CCSER1: variants seen among roughly 807,000 people sequenced by gnomAD.
The protein encoded by CCSER1 is coiled-coil serine rich protein 1, also known as serine-rich coiled-coil domain-containing protein 1.
CCSER1 carries 41 observed loss-of-function variants against 82.0 expected under a neutral mutation model. The observed-to-expected ratio is 0.50, with a 90% CI of 0.39 to 0.65. The LOEUF (loss-of-function observed/expected upper bound fraction) is 0.65. Ranked by LOEUF, CCSER1 falls within the 30% of genes least tolerant of loss-of-function variation. The probability of loss-of-function intolerance (pLI) is 0.00; values close to 1 mark genes in which losing one functional copy is unlikely to be tolerated. For missense variants in CCSER1, 1,119 were observed against 1,064.2 expected, an observed-to-expected ratio of 1.05 and a Z score of -0.72; for synonymous variants, 414 against 383.9, an observed-to-expected ratio of 1.08 and a Z score of -0.92.
At chr4:91,164,612 G>T (rs1308891622) in intron 10 of CCSER1, among the ~76,000 whole-genome samples, 2 of 152,084 alleles carry the variant, frequency 1.3e-5, no homozygotes, top group Non-Finnish European at 2.9e-5. Flanking sequence ...CATATTTCTT[G>T]TAGGCTTTGT....
chr4:91,355,232 A>C (rs1748744691), intron 10 of CCSER1, among the ~76,000 whole-genome samples: 1 of 151,322 alleles, frequency 6.6e-6, no homozygotes, highest in South Asian at 2.1e-4. Context: ...ACTTTTTTTT[A>C]GTTTACAGAA....
Position 90,616,683 on chromosome 4 carries a change from T to TCA in CCSER1, c.1725-11287_1725-11286dup, listed in dbSNP as rs56988615. Among the ~76,000 whole-genome samples, 991 of 120,354 alleles carry TCA rather than the reference T, an allele frequency of 8.2e-3. 9 individuals are homozygous for TCA. Among genetic ancestry groups the TCA allele is most frequent in the South Asian group, 0.011 (36 of 3,226 alleles). The allele number at this position is 120,354 out of a possible 152,430, so 79.0% of individuals were successfully genotyped here. A position where few individuals can be genotyped will look rare whatever the true frequency, so the allele number is the denominator to read the frequency against. On this transcript the variant is annotated intron_variant, in intron 5 of 10. Coordinates refer to ENST00000509176, the MANE Select transcript of CCSER1 (RefSeq NM_001145065.2). ...CTGGGCCACAGAGTGTGGCTCTGTC[T>TCA]CACACACACACACACACACACACAC... is the stretch of plus-strand genomic sequence containing the variant.
chr4:90,167,534 T>G (rs1294137276), intron 1 of CCSER1, among the ~76,000 whole-genome samples: 1 of 152,178 alleles, frequency 6.6e-6, no homozygotes, highest in Non-Finnish European at 1.5e-5. Context: ...GCAGGTTTGT[T>G]ACATATGTAT....
chr4:91,591,745 T>C (rs1457951415), intron 10 of CCSER1, among the ~76,000 whole-genome samples: 1 of 152,162 alleles, frequency 6.6e-6, no homozygotes, highest in Non-Finnish European at 1.5e-5. Context: ...TAGCTCTGGA[T>C]TTTACCCAAA....
At chr4:90,984,438 G>A (rs1736403523) in intron 9 of CCSER1, among the ~76,000 whole-genome samples, 1 of 151,682 alleles carries the variant, frequency 6.6e-6, no homozygotes, top group African/African-American at 2.4e-5. Flanking sequence ...CCTGGTAATG[G>A]CTGCCAGTAG....
At chr4:91,591,217 T>C (rs955318539) in intron 10 of CCSER1, among the ~76,000 whole-genome samples, 1 of 152,106 alleles carries the variant, frequency 6.6e-6, no homozygotes, top group African/African-American at 2.4e-5. Context: ...GTACATAAAA[T>C]GAAAATGCTT....
At chr4:91,372,862 A>C (rs1014768473) in intron 10 of CCSER1, among the ~76,000 whole-genome samples, 18 of 152,162 alleles carry the variant, frequency 1.2e-4, no homozygotes, top group African/African-American at 4.3e-4. Context: ...GTGCAACGCT[A>C]AAGTCATCTG....
At chr4:91,353,128 T>C (rs1359100782) in intron 10 of CCSER1, among the ~76,000 whole-genome samples, 4 of 152,190 alleles carry the variant, frequency 2.6e-5, no homozygotes, top group Non-Finnish European at 5.9e-5. Context: ...TGTAGCAGGA[T>C]AAGCTGCAGA....
At chr4:91,168,579 C>T (rs1178507011) in intron 10 of CCSER1, among the ~76,000 whole-genome samples, 1 of 150,604 alleles carries the variant, frequency 6.6e-6, no homozygotes, top group Non-Finnish European at 1.5e-5. Context: ...TTGAGGAGCG[C>T]CTCTGCCCGG....
At chr4:90,457,602 G>A (rs115587291) in intron 4 of CCSER1, among the ~76,000 whole-genome samples, 382 of 152,292 alleles carry the variant, frequency 2.5e-3, no homozygotes, top group African/African-American at 8.9e-3. Context: ...ACAGTGGGTA[G>A]CTCCTCCCCA....
At chr4:90,897,801 T>G (rs1425916614) in intron 8 of CCSER1, among the ~76,000 whole-genome samples, 4 of 152,142 alleles carry the variant, frequency 2.6e-5, no homozygotes, top group South Asian at 2.1e-4. Context: ...ATTTTTCAAC[T>G]TTTTAATAAA....
At chr4:90,550,512 T>G (rs1164223185) in intron 5 of CCSER1, among the ~76,000 whole-genome samples, 5 of 152,164 alleles carry the variant, frequency 3.3e-5, no homozygotes, top group African/African-American at 1.2e-4. Context: ...ACAATTTTAT[T>G]TTCTAATCCA....
intron 5 of CCSER1, among the ~76,000 whole-genome samples, chr4:90,539,632 A>G (rs1285593934): frequency 6.6e-6 from 1 of 152,108 alleles, no homozygotes; most frequent in Non-Finnish European, 1.5e-5. Context: ...GAGTCTGGCA[A>G]ATAAATGTTT....
chr4:90,833,902 G>C (rs900415963), intron 8 of CCSER1, among the ~76,000 whole-genome samples: 3 of 152,076 alleles, frequency 2.0e-5, no homozygotes, highest in Non-Finnish European at 2.9e-5. Flanking sequence ...TTATTATAAA[G>C]CTAATTCAGC....
intron 5 of CCSER1, among the ~76,000 whole-genome samples, chr4:90,491,619 T>A (rs983392883): frequency 6.6e-6 from 1 of 152,068 alleles, no homozygotes; most frequent in Non-Finnish European, 1.5e-5. Context: ...GTAGGTCCAG[T>A]TTTTGGCCAT....
chr4:90,423,086 G>T (rs1041824699), intron 4 of CCSER1, among the ~76,000 whole-genome samples: 1 of 151,864 alleles, frequency 6.6e-6, no homozygotes. Context: ...AGTAACTTGG[G>T]CCTGCTCCCA....
intron 10 of CCSER1, among the ~76,000 whole-genome samples, chr4:91,441,174 G>T (rs1409828217): frequency 6.6e-6 from 1 of 152,102 alleles, no homozygotes; most frequent in Non-Finnish European, 1.5e-5. Context: ...CCAAAAAAGA[G>T]AGTTTTAGAC....
intron 10 of CCSER1, among the ~76,000 whole-genome samples, chr4:91,392,504 A>G (rs912166742): frequency 6.6e-6 from 1 of 152,120 alleles, no homozygotes; most frequent in South Asian, 2.1e-4. Flanking sequence ...TAAAGATTGC[A>G]TAATCCAGCT....
intron 1 of CCSER1, among the ~76,000 whole-genome samples, chr4:90,282,187 G>A (rs1728982467): frequency 6.6e-6 from 1 of 151,878 alleles, no homozygotes; most frequent in African/African-American, 2.4e-5. Flanking sequence ...AAATATGTTT[G>A]AGTGCTTTTT....
Sources: gnomAD v4.1 joint callset for allele counts (sites outside exome capture counted in the v4.1 genomes callset) on GRCh38, gnomAD v4.1.1 for gene constraint, MANE v1.5 for transcripts, NCBI Gene and HGNC (gene_info 2026-07-23, HGNC 2026-07-21) for gene names.